The following OR9I1 variants were observed in gnomAD, a reference collection of about 807,000 sequenced individuals.
The protein encoded by OR9I1 is olfactory receptor 9I1.
Under a neutral mutation model 11.2 loss-of-function variants are expected in OR9I1, and 7 were observed. The observed-to-expected ratio is 0.62, with a 90% CI of 0.36 to 1.17. The LOEUF (loss-of-function observed/expected upper bound fraction) is 1.17, where lower values mean the gene tolerates loss of function less well. Among genes scored for constraint, OR9I1 ranks in the 50% most tolerant of loss-of-function variants. The probability of loss-of-function intolerance (pLI) is 0.02; values close to 1 mark genes in which losing one functional copy is unlikely to be tolerated. For synonymous variants in OR9I1, 165 were observed against 153.4 expected, an observed-to-expected ratio of 1.08 and a Z score of -0.56; for missense variants, 428 against 377.2, an observed-to-expected ratio of 1.13 and a Z score of -1.12.
chr11:58,119,425 G>T lies in OR9I1; in HGVS notation c.20C>A (p.Thr7Asn), dbSNP rs1393952589. 1.2e-6 allele frequency: 2 copies of T among 1,608,962 alleles called. No homozygotes were observed. Among genetic ancestry groups the T allele is most frequent in the Non-Finnish European group, 8.5e-7 (1 of 1,176,612 alleles). The change falls in exon 3 of 3, where the codon ACC becomes AAC. Residue 7 changes from threonine to asparagine, a missense_variant. By Grantham distance (65) the Thr-to-Asn change is moderately conservative. Transcript: ENST00000641439. MAKNNLTRVTEFILMGF... is the reference protein window; with the variant it reads MAKNNLNRVTEFILMGF... ...CATGAGAATGAATTCGGTTACTCTG[G>T]TGAGATTATTCTTGGCCATGGAGAC...
rs372543269 is a variant in OR9I1 at position 58,122,996 on chromosome 11, G to A, written c.-23+1442C>T. ...TTCGGATTTTGTTATGGTCTTGCTT[G>A]GTATGCTTATAACATATTTTACTTA... On this transcript the variant is annotated intron_variant, in intron 2 of 2. Coordinates refer to ENST00000641439, the MANE Select transcript of OR9I1 (RefSeq NM_001005211.2). Among the ~76,000 whole-genome samples, 350 of 149,596 alleles carry A rather than the reference G, an allele frequency of 2.3e-3. 5 individuals carry two copies. Among genetic ancestry groups the A allele is most frequent in the African/African-American group, 8.1e-3 (329 of 40,730 alleles).
At chr11:58,125,057 A>G (rs1854075415) in intron 1 of OR9I1, among the ~76,000 whole-genome samples, 4 of 152,200 alleles carry the variant, frequency 2.6e-5, no homozygotes, top group Admixed American at 6.5e-5. Flanking sequence ...GTCCTAGTAC[A>G]TATGACTAAT....
intron 2 of OR9I1, among the ~76,000 whole-genome samples, chr11:58,119,965 G>A (rs907292225): frequency 1.3e-5 from 2 of 152,086 alleles, no homozygotes; most frequent in Admixed American, 1.3e-4. Flanking sequence ...TTCACAAGTT[G>A]GAACTGATGA....
In OR9I1 at chr11:58,118,827, C is replaced by T. The variant is rs1304569138; in HGVS notation, c.618G>A (p.Val206=). 3.7e-6 allele frequency: 6 copies of T among 1,614,034 alleles called. No individual in the cohort carries two copies. The highest frequency in any genetic ancestry group is 1.7e-5 in the Admixed American group (1 of 60,022). ...GGATGACGGAGGCATTGGCCAAAAT[C>T]ACAAAATTGCCAAAGAAGATGATGA... The part of the protein sequence containing the change: ...EIVIIFFGNF[V]ILANASVILI... Residue 206 remains valine (V), a synonymous_variant, in exon 3 of 3, where the codon GTG becomes GTA. Coordinates refer to ENST00000641439, the MANE Select transcript of OR9I1 (RefSeq NM_001005211.2).
chr11:58,123,057 A>G (rs1214180709), intron 2 of OR9I1, among the ~76,000 whole-genome samples: 1 of 151,830 alleles, frequency 6.6e-6, no homozygotes, highest in Non-Finnish European at 1.5e-5. Context: ...CTTTGCATAT[A>G]TTATTTAATT....
Position 58,118,836 on chromosome 11 carries a change from G to A in OR9I1, c.609C>T (p.Gly203=), listed in dbSNP as rs1297466921. ...ANIEIVIIFF[G]NFVILANASV... is the part of the protein sequence containing the mutation. ...AGGCATTGGCCAAAATCACAAAATT[G>A]CCAAAGAAGATGATGACAATCTCGA... Residue 203 remains glycine, a synonymous_variant, in exon 3 of 3, where the codon GGC becomes GGT. Transcript: ENST00000641439. 1 of 1,613,908 alleles carries A rather than the reference G, an allele frequency of 6.2e-7. No homozygotes were observed. Among genetic ancestry groups the A allele is most frequent in the Non-Finnish European group, 8.5e-7 (1 of 1,179,996 alleles).
intron 2 of OR9I1, among the ~76,000 whole-genome samples, chr11:58,121,815 T>C (rs982922272): frequency 1.3e-5 from 2 of 152,198 alleles, no homozygotes; most frequent in Non-Finnish European, 2.9e-5. Flanking sequence ...CTCATCATAA[T>C]ACCTCTTTCT....
At chr11:58,120,057 TA>T (rs1422537578) in intron 2 of OR9I1, among the ~76,000 whole-genome samples, 4 of 152,188 alleles carry the variant, frequency 2.6e-5, no homozygotes, top group Non-Finnish European at 4.4e-5. Flanking sequence ...CAATGGGCAG[TA>T]AAAAAATTGC....
In OR9I1 at chr11:58,118,781, T is replaced by G; in HGVS notation, c.664A>C (p.Ile222Leu). The G allele has an allele frequency of 6.2e-7, 1 of 1,614,064 alleles. No individual in the cohort carries two copies. The highest frequency in any genetic ancestry group is 8.5e-7 in the Non-Finnish European group (1 of 1,179,996). The change falls in exon 3 of 3, where the codon ATC becomes CTC. Residue 222 changes from isoleucine to leucine, a missense_variant. Transcript: ENST00000641439. Reference sequence around the variant, plus strand: ...GACTTCACTTTCAAAATGGTCTTGATGATGAGCAGATAGGAAATCAGGATG... The same window carrying G: ...GACTTCACTTTCAAAATGGTCTTGAGGATGAGCAGATAGGAAATCAGGATG... ...SVILISYLLI[I>L]KTILKVKSSG...
chr11:58,118,997 CAT>C lies in OR9I1; in HGVS notation c.446_447del (p.Tyr149CysfsTer21). On this transcript the variant is annotated frameshift_variant, in exon 3 of 3. Transcript: ENST00000641439. LOFTEE classifies it high-confidence loss of function. ...AGGATGGCTCCTGACACCCCACAGA[CAT>C]AGGCTCCTACCACCAGGCTCCAGCA... is the stretch of plus-strand genomic sequence containing the variant. ...RLCWSLVVGA[Y>X]VCGVSGAILR... The C allele has an allele frequency of 6.2e-7, 1 of 1,613,934 alleles. No homozygotes were observed. Among genetic ancestry groups the C allele is most frequent in the African/African-American group, 1.3e-5 (1 of 75,050 alleles).
At chr11:58,124,908 A>G (rs748346656) in intron 1 of OR9I1, among the ~76,000 whole-genome samples, 11 of 152,158 alleles carry the variant, frequency 7.2e-5, no homozygotes, top group Non-Finnish European at 1.6e-4. Flanking sequence ...AATTCATACA[A>G]TGATCCTACA....
intron 2 of OR9I1, among the ~76,000 whole-genome samples, chr11:58,121,955 A>G (rs555454735): frequency 1.1e-4 from 16 of 152,336 alleles, no homozygotes; most frequent in Non-Finnish European, 1.9e-4. Context: ...CTTGTCCAAA[A>G]GTCAAATAAT....
At chr11:58,119,548 T>C in intron 2 of OR9I1, 82 bp from the exon 3 acceptor site, 5 of 758,232 alleles carry the variant, frequency 6.6e-6, no homozygotes, top group African/African-American at 1.7e-5. Context: ...TTGGTTTTAA[T>C]TCTGGGTCTA....
intron 2 of OR9I1, among the ~76,000 whole-genome samples, chr11:58,120,206 T>C (rs1283512983): frequency 2.0e-5 from 3 of 152,160 alleles, no homozygotes; most frequent in African/African-American, 7.2e-5. Context: ...TTATAAATAA[T>C]ATGTTCAAAC....
chr11:58,121,525 A>G (rs1854032289), intron 2 of OR9I1, among the ~76,000 whole-genome samples: 1 of 152,184 alleles, frequency 6.6e-6, no homozygotes, highest in South Asian at 2.1e-4. Context: ...GTTGACCCAC[A>G]TGTAGAGGAG....
At chr11:58,119,519 T>G (rs1320873423) in intron 2 of OR9I1, 53 bp from the exon 3 acceptor site, 18 of 1,025,366 alleles carry the variant, frequency 1.8e-5, no homozygotes, top group Non-Finnish European at 2.6e-5. Context: ...ACAGAATCTT[T>G]CCCTCTATGG....
intron 2 of OR9I1, among the ~76,000 whole-genome samples, chr11:58,121,079 T>C (rs1565082540): frequency 6.6e-6 from 1 of 152,154 alleles, no homozygotes; most frequent in Non-Finnish European, 1.5e-5. Context: ...AGACTAAATA[T>C]TGTGATTGGA....
intron 1 of OR9I1, among the ~76,000 whole-genome samples, chr11:58,124,904 T>C (rs1032109173): frequency 6.6e-6 from 1 of 152,142 alleles, no homozygotes; most frequent in South Asian, 2.1e-4. Context: ...ATATAATTCA[T>C]ACAATGATCC....
chr11:58,124,119 G>C (rs939122288), intron 2 of OR9I1, among the ~76,000 whole-genome samples: 5 of 152,104 alleles, frequency 3.3e-5, no homozygotes, highest in African/African-American at 1.2e-4. Context: ...GAGCAGACTG[G>C]TGACACCCAG....
Sources: gnomAD v4.1 joint callset for allele counts (sites outside exome capture counted in the v4.1 genomes callset) on GRCh38, gnomAD v4.1.1 for gene constraint, MANE v1.5 for transcripts, NCBI Gene and HGNC (gene_info 2026-07-23, HGNC 2026-07-21) for gene names.